ST18: variants seen among roughly 807,000 people sequenced by gnomAD.
ST18 encodes ST18 C2H2C-type zinc finger transcription factor.
Under a neutral mutation model 110.0 loss-of-function variants are expected in ST18, and 50 were observed. That is an observed-to-expected ratio of 0.45 (90% CI 0.36 to 0.58). The LOEUF is 0.58. Among genes scored for constraint, ST18 ranks in the 20% least tolerant of loss-of-function variants. The pLI, the probability that ST18 is intolerant of heterozygous loss-of-function variation, is 0.00. For missense variants in ST18, 1,306 were observed against 1,280.1 expected (o/e 1.02, Z -0.31); for synonymous variants, 461 against 452.4 (o/e 1.02, Z -0.24).
chr8:52,227,512 A>T (rs1362330424), intron 3 of ST18, among the ~76,000 whole-genome samples: 1 of 152,208 alleles, frequency 6.6e-6, no homozygotes, highest in East Asian at 1.9e-4. Flanking sequence ...AATGTCCCCA[A>T]AGACCAATTG....
At chr8:52,151,143 T>C (rs144752754) in intron 15 of ST18, among the ~76,000 whole-genome samples, 157 of 152,338 alleles carry the variant, frequency 1.0e-3, no homozygotes, top group African/African-American at 3.7e-3. Flanking sequence ...ACTCTTGTGG[T>C]AACCAGCTAC....
intron 2 of ST18, among the ~76,000 whole-genome samples, chr8:52,383,687 T>C (rs1174614029): frequency 6.6e-6 from 1 of 152,186 alleles, no homozygotes; most frequent in Non-Finnish European, 1.5e-5. Context: ...GACCTCGTGA[T>C]CCACCCGCCT....
chr8:52,300,432 C>T (rs1038317539), intron 2 of ST18, among the ~76,000 whole-genome samples: 5 of 152,118 alleles, frequency 3.3e-5, no homozygotes, highest in African/African-American at 4.8e-5. Flanking sequence ...ACTTAGAGAA[C>T]AGAGAATTAT....
At chr8:52,211,039 A>G (rs1299849220) in intron 8 of ST18, among the ~76,000 whole-genome samples, 2 of 152,228 alleles carry the variant, frequency 1.3e-5, no homozygotes, top group African/African-American at 4.8e-5. Flanking sequence ...GGAAAGGTGA[A>G]CTAAACAGTG....
chr8:52,171,821 A>G lies in ST18; in HGVS notation c.1040T>C (p.Met347Thr), dbSNP rs1289544332. ...ATTGTTAAAGATTTGTCTTCCACCCATGTCGATAACTTTGGTTTGCCTCCT... is the reference window on the plus strand; with the variant it reads ...ATTGTTAAAGATTTGTCTTCCACCCGTGTCGATAACTTTGGTTTGCCTCCT... ...GERRQTKVID[M>T]GGRQIFNNKH... Residue 347 changes from methionine to threonine, a missense_variant, in exon 10 of 26, where the codon ATG (methionine) becomes ACG (threonine). Met to Thr is a moderately conservative substitution (Grantham distance 81). Coordinates refer to ENST00000689386, the MANE Select transcript of ST18 (RefSeq NM_001352837.2). 1.2e-6 allele frequency: 2 copies of G among 1,613,848 alleles called. No individual in the cohort carries two copies. The highest frequency in any genetic ancestry group is 1.7e-5 in the Admixed American group (1 of 60,030).
intron 2 of ST18, among the ~76,000 whole-genome samples, chr8:52,280,573 A>T (rs1477291570): frequency 1.3e-5 from 2 of 152,080 alleles, no homozygotes; most frequent in Non-Finnish European, 2.9e-5. Context: ...GTATATTAAT[A>T]TCAGGCAAAA....
At chr8:52,134,529 T>C (rs776423144) in intron 19 of ST18, among the ~76,000 whole-genome samples, 27 of 152,172 alleles carry the variant, frequency 1.8e-4, no homozygotes, top group Non-Finnish European at 3.5e-4. Context: ...ATCCCTTTCC[T>C]TACATTCCAT....
chr8:52,226,025 A>G (rs2089252812), intron 3 of ST18, among the ~76,000 whole-genome samples: 1 of 152,176 alleles, frequency 6.6e-6, no homozygotes, highest in Admixed American at 6.5e-5. Flanking sequence ...ATACTAGAAA[A>G]CACATCGTCT....
intron 8 of ST18, among the ~76,000 whole-genome samples, chr8:52,202,025 A>T (rs973322035): frequency 6.6e-6 from 1 of 152,234 alleles, no homozygotes; most frequent in African/African-American, 2.4e-5. Flanking sequence ...TGAGGGGCCA[A>T]TGGAAACTGC....
chr8:52,212,179 T>A (rs1447586855), intron 7 of ST18, 70 bp from the exon 8 acceptor site: 2 of 1,477,092 alleles, frequency 1.4e-6, no homozygotes, highest in South Asian at 1.2e-5. Flanking sequence ...TAATGGAAAC[T>A]TTTCCCCCAC....
intron 14 of ST18, among the ~76,000 whole-genome samples, chr8:52,160,175 G>A (rs1345383532): frequency 1.3e-5 from 2 of 152,256 alleles, no homozygotes; most frequent in East Asian, 3.9e-4. Flanking sequence ...TATATTGTGT[G>A]TATATATAAT....
intron 2 of ST18, among the ~76,000 whole-genome samples, chr8:52,234,675 A>C (rs1300634220): frequency 6.6e-6 from 1 of 152,120 alleles, no homozygotes; most frequent in African/African-American, 2.4e-5. Flanking sequence ...AATTGTAAAA[A>C]ATGCGGAACC....
Position 52,165,119 on chromosome 8 carries a change from A to G in ST18, c.1295+16T>C. 6.2e-7 allele frequency: 1 copy of G among 1,613,190 alleles called. No homozygotes were observed. The highest frequency in any genetic ancestry group is 8.5e-7 in the Non-Finnish European group (1 of 1,179,160). On this transcript the variant is annotated intron_variant, in intron 12 of 25. Coordinates refer to ENST00000689386, the MANE Select transcript of ST18 (RefSeq NM_001352837.2). ...ATTTTTTAAATGCAAAATGATTATC[A>G]TCTAATGAGAATTACCTCCTGTGGG... is the stretch of plus-strand genomic sequence containing the variant.
At chr8:52,176,957 G>A (rs774944464) in intron 9 of ST18, among the ~76,000 whole-genome samples, 19 of 152,168 alleles carry the variant, frequency 1.2e-4, no homozygotes, top group Admixed American at 2.0e-4. Flanking sequence ...TCAAAGTTCC[G>A]AAAGCAGAGT....
chr8:52,173,838 A>G (rs74514376), intron 9 of ST18, among the ~76,000 whole-genome samples: 4,611 of 152,332 alleles, frequency 0.03, 223 homozygotes, highest in African/African-American at 0.11. Flanking sequence ...AAGCACAGCC[A>G]TCCGGTGTGA....
chr8:52,307,780 C>A (rs2095838928), intron 2 of ST18, among the ~76,000 whole-genome samples: 1 of 152,204 alleles, frequency 6.6e-6, no homozygotes, highest in Admixed American at 6.5e-5. Context: ...GTAGCCTAAG[C>A]AACCCCTTGT....
chr8:52,357,723 A>ATATATATATATT (rs1823733507), intron 2 of ST18, among the ~76,000 whole-genome samples: 7 of 78,062 alleles, frequency 9.0e-5, no homozygotes, highest in African/African-American at 5.7e-4. Context: ...ATATATATAT[A>ATATATATATATT]TATATATAAA....
intron 18 of ST18, 109 bp downstream of exon 18, chr8:52,137,312 A>G: frequency 8.6e-7 from 1 of 1,158,934 alleles, no homozygotes; most frequent in East Asian, 2.5e-5. Context: ...CAAAAACCCA[A>G]CCAACTCATT....
chr8:52,278,904 C>T (rs2095324373), intron 2 of ST18, among the ~76,000 whole-genome samples: 1 of 152,164 alleles, frequency 6.6e-6, no homozygotes, highest in Admixed American at 6.5e-5. Flanking sequence ...TTGCCTCCTG[C>T]TGGAGGCAAG....
Sources: allele counts gnomAD v4.1 joint callset (sites outside exome capture counted in the v4.1 genomes callset), GRCh38; gene constraint gnomAD v4.1.1; transcripts MANE v1.5; gene names NCBI Gene and HGNC (gene_info 2026-07-23, HGNC 2026-07-21).